Variants in MACF1 observed in about 807,000 individuals in gnomAD.
The protein encoded by MACF1 is microtubule-actin cross-linking factor 1.
A neutral mutation model predicts 854.8 loss-of-function variants in MACF1; 193 were observed. The ratio of observed to expected loss-of-function variants is 0.23; its 90% CI spans 0.20 to 0.25. The LOEUF is 0.25. Among genes scored for constraint, MACF1 ranks in the 10% least tolerant of loss-of-function variants. MACF1 has a pLI of 1.00. For missense variants in MACF1, 7,722 were observed against 8,929.1 expected (o/e 0.86, Z 5.45); for synonymous variants, 3,185 against 3,226.7 (o/e 0.99, Z 0.44).
intron 2 of MACF1, among the ~76,000 whole-genome samples, chr1:39,108,510 T>G (rs1262570085): frequency 2.7e-5 from 4 of 148,052 alleles, no homozygotes; most frequent in Non-Finnish European, 6.0e-5. Context: ...GAGAGGGTTT[T>G]TTTTTTTTTT....
At chr1:39,086,772 G>A (rs557366604) in intron 2 of MACF1, among the ~76,000 whole-genome samples, 1 of 152,196 alleles carries the variant, frequency 6.6e-6, no homozygotes, top group Non-Finnish European at 1.5e-5. Context: ...GGCTCCTAAG[G>A]ACCCTGCTGG....
intron 30 of MACF1, among the ~76,000 whole-genome samples, chr1:39,318,976 A>G (rs1646462962): frequency 6.6e-6 from 1 of 151,428 alleles, no homozygotes; most frequent in Non-Finnish European, 1.5e-5. Context: ...TTTTTTTTTG[A>G]AAATGATTTA....
intron 58 of MACF1, chr1:39,410,339 A>G: frequency 6.2e-7 from 1 of 1,613,698 alleles, no homozygotes; most frequent in Non-Finnish European, 8.5e-7. Flanking sequence ...GAGGAGGAGG[A>G]TGGCTACATA....
At chr1:39,119,317 C>CAAAAA (rs745686071) in intron 2 of MACF1, among the ~76,000 whole-genome samples, 22 of 84,656 alleles carry the variant, frequency 2.6e-4, no homozygotes, top group South Asian at 4.1e-4. Flanking sequence ...AACTCCGTCT[C>CAAAAA]AAAAAAAAAA....
intron 26 of MACF1, 23 bp from the exon 27 acceptor site, chr1:39,315,490 T>C: frequency 6.2e-7 from 1 of 1,612,678 alleles, no homozygotes; most frequent in Non-Finnish European, 8.5e-7. Context: ...TCTCCCTCTT[T>C]ATGTGTGTCT....
chr1:39,427,299 C>CGAAATTTAA (rs1643758502), intron 61 of MACF1, among the ~76,000 whole-genome samples, 156 bp from the exon 62 acceptor site: 1 of 152,154 alleles, frequency 6.6e-6, no homozygotes, highest in Non-Finnish European at 1.5e-5. Flanking sequence ...GGTGTGAAAT[C>CGAAATTTAA]CTTTAAAACA....
At chr1:39,268,952 A>G in intron 6 of MACF1, 1 of 1,286,908 alleles carries the variant, frequency 7.8e-7, no homozygotes, top group Admixed American at 2.3e-5. Context: ...ATACCCCCCC[A>G]GATATTTTGC....
intron 2 of MACF1, among the ~76,000 whole-genome samples, chr1:39,155,224 A>G (rs1440213727): frequency 6.6e-6 from 1 of 152,208 alleles, no homozygotes; most frequent in African/African-American, 2.4e-5. Context: ...AGTTCCAAAC[A>G]TCCTTGTTTT....
chr1:39,158,862 G>A (rs1372087214), intron 2 of MACF1, among the ~76,000 whole-genome samples: 3 of 152,208 alleles, frequency 2.0e-5, no homozygotes, highest in Non-Finnish European at 2.9e-5. Flanking sequence ...TTGGGGGCTA[G>A]TAGAAGCGGG....
rs188991253 is a variant in MACF1, at chr1:39,477,359, G to A, written c.21959-2439G>A. Among the ~76,000 whole-genome samples the A allele has an allele frequency of 6.6e-4, 100 of 151,782 alleles. 1 individual carries two copies. Among genetic ancestry groups the A allele is most frequent in the Admixed American group, 2.2e-3 (34 of 15,234 alleles). ...CCCACCTCAGCCTCCAGAGTAGCTG[G>A]ATCTGCAGGCACATGCCACCATGCC... On this transcript the variant is annotated intron_variant, in intron 97 of 100. Transcript: ENST00000564288.
At chr1:39,232,746 G>GTTTTTTTTTTTTTTT (rs10712180) in intron 2 of MACF1, among the ~76,000 whole-genome samples, 17 of 128,450 alleles carry the variant, frequency 1.3e-4, no homozygotes, top group Non-Finnish European at 1.8e-4. Flanking sequence ...TACTCTCTTT[G>GTTTTTTTTTTTTTTT]TTTTTTTTTT....
chr1:39,207,767 C>T lies in MACF1; in HGVS notation c.109+2636C>T, dbSNP rs117616855. 1.4e-3 allele frequency among the ~76,000 whole-genome samples: 208 copies of T among 152,220 alleles called. 2 individuals carry two copies. Among genetic ancestry groups the T allele is most frequent in the African/African-American group, 3.9e-3 (164 of 41,534 alleles). Reference sequence around the variant, plus strand: ...GTTCTTAAAAATTGATTCTTGTCTACGGCCATACCACCCCAAACATGCCCA... The same window carrying T: ...GTTCTTAAAAATTGATTCTTGTCTATGGCCATACCACCCCAAACATGCCCA... On this transcript the variant is annotated intron_variant, in intron 1 of 100. Coordinates refer to ENST00000564288, the MANE Select transcript of MACF1 (RefSeq NM_001394062.1).
chr1:39,448,621 C>T lies in MACF1; in HGVS notation c.20116C>T (p.Gln6706Ter), dbSNP rs1215165872. The part of the protein sequence containing the change: ...KEFQKTLGGK[Q>*]PVYDTTIRTG... ...GTTTCAGAAGACTCTTGGTGGCAAG[C>T]AGCCTGTGTATGATACCACAATTAG... Residue 6706 changes from glutamine to a stop codon, truncating the protein, a stop_gained, in exon 84 of 101, where the codon CAG becomes TAG. Coordinates refer to ENST00000564288, the MANE Select transcript of MACF1 (RefSeq NM_001394062.1). LOFTEE classifies it high-confidence loss of function. The T allele has an allele frequency of 1.3e-6, 2 of 1,576,414 alleles. No homozygotes were observed. Among genetic ancestry groups the T allele is most frequent in the Non-Finnish European group, 1.7e-6 (2 of 1,159,842 alleles).
rs1247282570 is a variant in MACF1, at chr1:39,484,702, C to T, written c.22383C>T (p.Ala7461=). The T allele has an allele frequency of 5.6e-6, 9 of 1,614,196 alleles. No individual in the cohort carries two copies. Among genetic ancestry groups the T allele is most frequent in the Non-Finnish European group, 7.6e-6 (9 of 1,180,024 alleles). The part of the protein sequence containing the change: ...AGDTSNSSSP[A]STGAKTNRAD... Reference sequence around the variant, plus strand: ...ATACCAGCAATAGTTCTTCCCCGGCCTCCACAGGTGCCAAAACTAATCGGG... The same window carrying T: ...ATACCAGCAATAGTTCTTCCCCGGCTTCCACAGGTGCCAAAACTAATCGGG... The change falls in exon 100 of 101, where the codon GCC becomes GCT. Residue 7461 remains alanine, a synonymous_variant. Transcript: ENST00000564288.
intron 58 of MACF1, among the ~76,000 whole-genome samples, chr1:39,401,234 A>G (rs1034776853): frequency 1.3e-5 from 2 of 152,304 alleles, no homozygotes; most frequent in Non-Finnish European, 2.9e-5. Flanking sequence ...ATTATTTTCA[A>G]ATCATTAACC....
At chr1:39,249,123 G>A (rs1389469742) in intron 2 of MACF1, among the ~76,000 whole-genome samples, 1 of 152,180 alleles carries the variant, frequency 6.6e-6, no homozygotes, top group Non-Finnish European at 1.5e-5. Context: ...TTATAGCTAA[G>A]TGACCATAAC....
At chr1:39,130,275 A>G (rs1275318347) in intron 2 of MACF1, among the ~76,000 whole-genome samples, 1 of 152,244 alleles carries the variant, frequency 6.6e-6, no homozygotes, top group Non-Finnish European at 1.5e-5. Context: ...CTTTAGCTTT[A>G]AAAACATTAG....
At chr1:39,479,546 G>A (rs949837567) in intron 97 of MACF1, among the ~76,000 whole-genome samples, 1 of 152,200 alleles carries the variant, frequency 6.6e-6, no homozygotes, top group African/African-American at 2.4e-5. Flanking sequence ...AAAGCAAGAC[G>A]CTAGCAGCAG....
intron 58 of MACF1, among the ~76,000 whole-genome samples, chr1:39,392,858 A>G (rs1642089371): frequency 6.6e-6 from 1 of 152,122 alleles, no homozygotes; most frequent in South Asian, 2.1e-4. Flanking sequence ...AGTGGAAGAG[A>G]GTTCCTTTCC....
Sources: allele counts gnomAD v4.1 joint callset (sites outside exome capture counted in the v4.1 genomes callset), GRCh38; gene constraint gnomAD v4.1.1; transcripts MANE v1.5; gene names NCBI Gene and HGNC (gene_info 2026-07-23, HGNC 2026-07-21).